The following AOPEP variants were observed in gnomAD, a reference collection of about 807,000 sequenced individuals.
AOPEP encodes the protein aminopeptidase O (putative).
A neutral mutation model predicts 98.1 loss-of-function variants in AOPEP; 77 were observed. That is an observed-to-expected ratio of 0.78 (90% CI 0.65 to 0.95). AOPEP has a LOEUF of 0.95. Among genes scored for constraint, AOPEP ranks in the 40% least tolerant of loss-of-function variants. The pLI is 0.00. For synonymous variants in AOPEP, 346 were observed against 365.3 expected (o/e 0.95, Z 0.60); for missense variants, 1,024 against 1,024.7 (o/e 1.00, Z 0.01).
At chr9:94,752,294 C>G (rs1430662370) in intron 1 of AOPEP, among the ~76,000 whole-genome samples, 1 of 151,948 alleles carries the variant, frequency 6.6e-6, no homozygotes, top group Admixed American at 6.6e-5. Flanking sequence ...GTAAGGAAAT[C>G]TCCCTTCCAC....
At chr9:95,075,280 A>C (rs757354464) in intron 14 of AOPEP, among the ~76,000 whole-genome samples, 2 of 152,252 alleles carry the variant, frequency 1.3e-5, no homozygotes, top group Non-Finnish European at 2.9e-5. Flanking sequence ...GAAATATAAT[A>C]AAATGTGAAT....
chr9:94,850,801 T>C (rs2043459783), intron 5 of AOPEP, among the ~76,000 whole-genome samples: 3 of 152,228 alleles, frequency 2.0e-5, no homozygotes, highest in Admixed American at 6.5e-5. Flanking sequence ...TCATCCTGGT[T>C]CATCTAAGCT....
chr9:95,092,452 G>C, the AOPEP span, among the ~76,000 whole-genome samples: 1 of 152,206 alleles, frequency 6.6e-6, no homozygotes, highest in Admixed American at 6.5e-5. Context: ...CCCCACCTGG[G>C]AGAGGAGTGC....
intron 5 of AOPEP, among the ~76,000 whole-genome samples, chr9:94,847,127 TACACAC>T (rs57318947): frequency 8.0e-6 from 1 of 125,140 alleles, no homozygotes; most frequent in African/African-American, 2.8e-5. Flanking sequence ...GTTCCCTTTG[TACACAC>T]ACACACACAC....
At chr9:94,963,598 A>G (rs1335874753) in intron 9 of AOPEP, among the ~76,000 whole-genome samples, 2 of 136,996 alleles carry the variant, frequency 1.5e-5, no homozygotes, top group East Asian at 2.1e-4. Context: ...TGTTTTATCA[A>G]TAGATTTTGG....
intron 13 of AOPEP, among the ~76,000 whole-genome samples, chr9:95,007,676 AAC>A (rs1484162614): frequency 6.6e-6 from 1 of 152,220 alleles, no homozygotes; most frequent in Non-Finnish European, 1.5e-5. Context: ...AGAGAATATG[AAC>A]TGTCAGTGTT....
At chr9:95,096,941 G>A in the AOPEP span, among the ~76,000 whole-genome samples, 1 of 152,236 alleles carries the variant, frequency 6.6e-6, no homozygotes, top group African/African-American at 2.4e-5. Context: ...GAGGCCAGCA[G>A]TTACAGCAGT....
intron 5 of AOPEP, among the ~76,000 whole-genome samples, chr9:94,917,593 C>G (rs2053012034): frequency 1.3e-5 from 2 of 152,158 alleles, no homozygotes; most frequent in Non-Finnish European, 2.9e-5. Context: ...AGAAGTTAAA[C>G]CAGATCATAA....
At chr9:94,902,110 C>G (rs985809856) in intron 5 of AOPEP, among the ~76,000 whole-genome samples, 2 of 152,076 alleles carry the variant, frequency 1.3e-5, no homozygotes, top group South Asian at 2.1e-4. Flanking sequence ...ATCAAGAACT[C>G]TAAGTTGACT....
intron 5 of AOPEP, among the ~76,000 whole-genome samples, chr9:94,911,700 G>A (rs1402545155): frequency 1.3e-5 from 2 of 152,086 alleles, no homozygotes; most frequent in Non-Finnish European, 2.9e-5. Context: ...AATTAGTGTT[G>A]GAAATTGGCC....
intron 13 of AOPEP, among the ~76,000 whole-genome samples, chr9:95,054,099 T>C (rs982839650): frequency 2.0e-5 from 3 of 152,242 alleles, no homozygotes; most frequent in African/African-American, 7.2e-5. Context: ...TCTGATACTT[T>C]AAAGTATTCC....
chr9:94,868,145 C>A (rs1484652278), intron 5 of AOPEP, among the ~76,000 whole-genome samples: 1 of 152,206 alleles, frequency 6.6e-6, no homozygotes, highest in Non-Finnish European at 1.5e-5. Context: ...ACCAAAATTA[C>A]TAATTCCTAG....
chr9:94,855,142 A>G (rs1588557952), intron 5 of AOPEP, among the ~76,000 whole-genome samples: 1 of 152,154 alleles, frequency 6.6e-6, no homozygotes, highest in East Asian at 2.0e-4. Flanking sequence ...CAATGGTATA[A>G]TCTCGGCTCA....
intron 3 of AOPEP, among the ~76,000 whole-genome samples, chr9:94,775,748 G>A (rs1381195081): frequency 6.6e-6 from 1 of 152,092 alleles, no homozygotes; most frequent in Admixed American, 6.5e-5. Context: ...GCCCAGGTGG[G>A]CGGATCATGA....
intron 5 of AOPEP, among the ~76,000 whole-genome samples, chr9:94,842,605 A>G (rs1398414601): frequency 6.6e-6 from 1 of 152,110 alleles, no homozygotes; most frequent in African/African-American, 2.4e-5. Context: ...AAGATAATCT[A>G]CTTACCCAGA....
At chr9:94,970,737 T>C (rs921917267) in intron 10 of AOPEP, among the ~76,000 whole-genome samples, 3 of 151,662 alleles carry the variant, frequency 2.0e-5, no homozygotes, top group Non-Finnish European at 4.4e-5. Context: ...GATTTCTTCA[T>C]GCAAAAATCC....
At chr9:95,110,238 G>GAAT in the AOPEP span, 1 of 1,003,340 alleles carries the variant, frequency 1.0e-6, no homozygotes, top group Non-Finnish European at 1.2e-6. Flanking sequence ...AAGTGTTATT[G>GAAT]AATAATTTAT....
At chr9:95,027,360 A>G (rs577543217) in intron 13 of AOPEP, among the ~76,000 whole-genome samples, 34 of 152,330 alleles carry the variant, frequency 2.2e-4, no homozygotes, top group South Asian at 1.7e-3. Flanking sequence ...ACCACCAGTC[A>G]TGCATGCAAC....
chr9:94,793,049 A>G, intron 4 of AOPEP, 131 bp downstream of exon 4: 1 of 1,026,432 alleles, frequency 9.7e-7, no homozygotes, highest in South Asian at 1.7e-5. Context: ...AGGATTAATC[A>G]AAGCAGGAAA....
Sources: gnomAD v4.1 joint callset for allele counts (sites outside exome capture counted in the v4.1 genomes callset) on GRCh38, gnomAD v4.1.1 for gene constraint, MANE v1.5 for transcripts, NCBI Gene and HGNC (gene_info 2026-07-23, HGNC 2026-07-21) for gene names.